The following PCDH15 variants were observed in gnomAD, a reference collection of about 807,000 sequenced individuals.
PCDH15 encodes protocadherin-15.
A neutral mutation model predicts 178.5 loss-of-function variants in PCDH15; 129 were observed. The observed-to-expected ratio is 0.72, with a 90% confidence interval of 0.63 to 0.84. The LOEUF is 0.84. PCDH15 is among the 40% of genes least tolerant of loss of function. The pLI, the probability that PCDH15 is intolerant of heterozygous loss-of-function variation, is 0.00. For synonymous variants in PCDH15, 800 were observed against 732.0 expected (o/e 1.09, Z -1.50); for missense variants, 2,230 against 2,099.9 (o/e 1.06, Z -1.21).
intron 2 of PCDH15, among the ~76,000 whole-genome samples, chr10:55,391,245 C>CTTTT (rs772142681): frequency 7.0e-6 from 1 of 143,870 alleles, no homozygotes. Context: ...ACAGAGACAG[C>CTTTT]TTTTTTTTTT....
chr10:54,922,499 A>AT (rs1235622734), intron 2 of PCDH15, among the ~76,000 whole-genome samples: 1 of 152,028 alleles, frequency 6.6e-6, no homozygotes, highest in African/African-American at 2.4e-5. Context: ...CTCAGATAAG[A>AT]TTTTGGACTT....
chr10:54,018,238 T>C (rs549633166), intron 20 of PCDH15, among the ~76,000 whole-genome samples: 1 of 152,124 alleles, frequency 6.6e-6, no homozygotes, highest in Non-Finnish European at 1.5e-5. Flanking sequence ...AGAATCTGAA[T>C]GATCTCACAT....
At chr10:54,479,704 T>C (rs2078570363) in intron 3 of PCDH15, among the ~76,000 whole-genome samples, 2 of 152,018 alleles carry the variant, frequency 1.3e-5, no homozygotes, top group Non-Finnish European at 2.9e-5. Flanking sequence ...GTTCCTTCTC[T>C]AAAAATTCCC....
chr10:54,990,187 G>C (rs150302900), intron 2 of PCDH15, among the ~76,000 whole-genome samples: 2,040 of 152,288 alleles, frequency 0.013, 35 homozygotes, highest in South Asian at 0.051. Context: ...ATTTCTTGGA[G>C]ATCTGTTATG....
intron 2 of PCDH15, among the ~76,000 whole-genome samples, chr10:54,592,423 G>A (rs1055840859): frequency 6.6e-6 from 1 of 151,376 alleles, no homozygotes; most frequent in African/African-American, 2.4e-5. Flanking sequence ...ACATATTTAA[G>A]GTGTGCAACT....
At chr10:55,038,606 GC>G (rs1425512357) in intron 2 of PCDH15, among the ~76,000 whole-genome samples, 5 of 152,148 alleles carry the variant, frequency 3.3e-5, no homozygotes, top group Non-Finnish European at 5.9e-5. Flanking sequence ...GAGAAAGTGG[GC>G]AAACCCTTAA....
intron 29 of PCDH15, among the ~76,000 whole-genome samples, chr10:53,833,287 A>G (rs1404041625): frequency 1.3e-5 from 2 of 152,090 alleles, no homozygotes; most frequent in African/African-American, 4.8e-5. Context: ...TCTCTAAAGT[A>G]AGATTTGTTA....
Position 53,808,326 on chromosome 10 carries a change from G to GTATATATATATATATA in PCDH15, c.4672-1197_4672-1196insTATATATATATATATA, listed in dbSNP as rs1263811377. 3 of 447,692 alleles carry GTATATATATATATATA rather than the reference G, an allele frequency of 6.7e-6. No individual in the cohort carries two copies. The African/African-American group carries it at 7.2e-5, about 11-fold the overall frequency. 27.7% of individuals were successfully genotyped at this position (447,692 alleles called of 1,614,324 possible). On this transcript the variant is annotated intron_variant, in intron 37 of 37. Coordinates refer to ENST00000644397, the MANE Select transcript of PCDH15 (RefSeq NM_001384140.1). ...TGATATAAAAACATATATAGTGTGT[G>GTATATATATATATATA]TGTGTATATATATATATATATATAT...
chr10:54,943,327 TC>T (rs1361343760), intron 2 of PCDH15, among the ~76,000 whole-genome samples: 5 of 152,002 alleles, frequency 3.3e-5, no homozygotes, highest in African/African-American at 1.2e-4. Flanking sequence ...AACATTCTCT[TC>T]TGCTGTTTTC....
At chr10:55,456,976 T>G (rs927818938) in intron 2 of PCDH15, among the ~76,000 whole-genome samples, 1 of 152,102 alleles carries the variant, frequency 6.6e-6, no homozygotes, top group Admixed American at 6.6e-5. Flanking sequence ...TGAGCTTAAC[T>G]GTACCACTAG....
chr10:55,161,742 T>A (rs1839071781), intron 2 of PCDH15, among the ~76,000 whole-genome samples: 1 of 152,110 alleles, frequency 6.6e-6, no homozygotes, highest in Non-Finnish European at 1.5e-5. Flanking sequence ...CACAGAAAAA[T>A]TTTTAACGGA....
Position 54,060,134 on chromosome 10 carries a change from T to C in PCDH15, c.2220+6623A>G, listed in dbSNP as rs556429162. ...GTGACTATATGCATATATATGTTCA[T>C]GTACTAAATGTTGATTTGTACATTT... is the stretch of plus-strand genomic sequence containing the variant. On this transcript the variant is annotated intron_variant, in intron 18 of 37. Coordinates refer to ENST00000644397, the MANE Select transcript of PCDH15 (RefSeq NM_001384140.1). 3.9e-5 allele frequency among the ~76,000 whole-genome samples: 6 copies of C among 152,386 alleles called. No homozygotes were observed. The East Asian group carries it at 1.2e-3, about 29-fold the overall frequency.
chr10:55,078,080 T>G (rs1841953539), intron 2 of PCDH15, among the ~76,000 whole-genome samples: 1 of 152,148 alleles, frequency 6.6e-6, no homozygotes, highest in African/African-American at 2.4e-5. Flanking sequence ...GAAGGATCAT[T>G]TTTCTGGAGT....
At chr10:55,262,532 A>G (rs1055420992) in intron 1 of PCDH15, among the ~76,000 whole-genome samples, 3 of 152,170 alleles carry the variant, frequency 2.0e-5, no homozygotes, top group Non-Finnish European at 2.9e-5. Context: ...AGAAGAACAC[A>G]TCGGTGGAAG....
intron 3 of PCDH15, among the ~76,000 whole-genome samples, chr10:54,890,826 A>C (rs1352617811): frequency 1.3e-5 from 2 of 152,120 alleles, no homozygotes; most frequent in East Asian, 3.8e-4. Flanking sequence ...AACCATCTAC[A>C]TAAAATATAT....
At chr10:55,321,094 G>C (rs548116942), upstream of PCDH15, among the ~76,000 whole-genome samples, 13 of 150,382 alleles carry the variant, frequency 8.6e-5, no homozygotes, top group Non-Finnish European at 1.6e-4. Flanking sequence ...AAAGAAAGAA[G>C]GAAGGAAGGA....
intron 2 of PCDH15, among the ~76,000 whole-genome samples, chr10:54,946,210 T>A (rs1838194175): frequency 6.6e-6 from 1 of 151,838 alleles, no homozygotes; most frequent in Non-Finnish European, 1.5e-5. Context: ...GGTATATAGA[T>A]GAGAGATATC....
intron 32 of PCDH15, chr10:53,822,925 GC>G: frequency 3.1e-6 from 5 of 1,614,030 alleles, no homozygotes; most frequent in Non-Finnish European, 4.2e-6. Context: ...CTGGTGCCTT[GC>G]CACTGCTGCA....
chr10:53,984,122 CTTTTTTTTTTTTTCTTTTTTCTTTTCT>C (rs1285707690), intron 21 of PCDH15, among the ~76,000 whole-genome samples: 32,570 of 112,160 alleles, frequency 0.29, 3,576 homozygotes, highest in Middle Eastern at 0.5. Flanking sequence ...AAGTGCTTTT[CTTTTTTTTTTTTTCTTTTTTCTTTTCT>C]TTTTTTTTTT....
Sources: gnomAD v4.1 joint callset for allele counts (sites outside exome capture counted in the v4.1 genomes callset) on GRCh38, gnomAD v4.1.1 for gene constraint, MANE v1.5 for transcripts, NCBI Gene and HGNC (gene_info 2026-07-23, HGNC 2026-07-21) for gene names.